USP50: variants seen among roughly 807,000 people sequenced by gnomAD.
USP50 encodes ubiquitin specific peptidase 50.
In USP50, 37 loss-of-function variants were observed where a neutral mutation model predicts 39.2. The ratio of observed to expected loss-of-function variants is 0.94; its 90% CI spans 0.73 to 1.24. USP50 has a LOEUF of 1.24. Among genes scored for constraint, USP50 ranks in the 50% most tolerant of loss-of-function variants. USP50 has a pLI of 0.00. For missense variants in USP50, 374 were observed against 398.2 expected (o/e 0.94, Z 0.52); for synonymous variants, 139 against 144.5 (o/e 0.96, Z 0.27).
rs2052654000 is a variant in USP50 at position 50,506,061 on chromosome 15, T to C, written c.937-5224A>G. 5 of 152,346 alleles carry C rather than the reference T, an allele frequency of 3.3e-5. No individual in the cohort carries two copies. The South Asian group carries it at 8.3e-4, about 25-fold the overall frequency. The allele number at this position is 152,346 out of a possible 1,614,324, so 9.4% of individuals were successfully genotyped here. ...GCAGAGTATAAAGATCTTGATTAAC[T>C]TTAGGCTTTAAGTATGAAAGCTGTC... On this transcript the variant is annotated intron_variant, in intron 6 of 6. Transcript: ENST00000532404.
intron 6 of USP50, chr15:50,508,436 T>C (rs529737090): frequency 1.4e-4 from 21 of 152,212 alleles, no homozygotes; most frequent in Non-Finnish European, 1.0e-4. Flanking sequence ...CTGTCCAATT[T>C]TGTATATGTT....
At chr15:50,525,566 ATATATG>A (rs1335699836) in intron 6 of USP50, among the ~76,000 whole-genome samples, 72 of 126,308 alleles carry the variant, frequency 5.7e-4, no homozygotes, top group African/African-American at 2.1e-3. Context: ...GTATATATGT[ATATATG>A]TATATGTATA....
In USP50 at chr15:50,521,784, GA is replaced by G. The variant is rs547393815; in HGVS notation, c.936+8012del. 9.2e-5 allele frequency among the ~76,000 whole-genome samples: 14 copies of G among 152,120 alleles called. No individual in the cohort carries two copies. In the South Asian group the frequency reaches 2.9e-3, roughly 32 times the overall value. Reference sequence around the variant, plus strand: ...TCAAGACCAGCCTGGCCAACACAGTGAAACCCCCATCTCTACTAAAAATAAA... The same window carrying G: ...TCAAGACCAGCCTGGCCAACACAGTGAACCCCCATCTCTACTAAAAATAAA... On this transcript the variant is annotated intron_variant, in intron 6 of 6. Coordinates refer to ENST00000532404, the MANE Select transcript of USP50 (RefSeq NM_203494.5).
intron 4 of USP50, 34 bp from the exon 5 acceptor site, chr15:50,538,885 T>C (rs1385106304): frequency 3.2e-6 from 5 of 1,581,080 alleles, no homozygotes. Context: ...GTGACCAAAT[T>C]GGATCAACTG....
chr15:50,544,659 G>A lies in USP50; in HGVS notation c.176C>T (p.Ser59Leu), dbSNP rs1461984844. 1 of 1,613,932 alleles carries A rather than the reference G, an allele frequency of 6.2e-7. No individual in the cohort carries two copies. Among genetic ancestry groups the A allele is most frequent in the East Asian group, 2.2e-5 (1 of 44,878 alleles). ...CGGCAAGATGCTGCAGAGACACTGT[G>A]AGATGGCATTCACGCAGCATGTGTT... is the stretch of plus-strand genomic sequence containing the variant. ...LGNTCCVNAI[S>L]QCLCSILPLV... The change falls in exon 2 of 7, where the codon TCA becomes TTA. Residue 59 changes from serine (S) to leucine (L), a missense_variant. By Grantham distance (145) the Ser-to-Leu change is moderately radical. Coordinates refer to ENST00000532404, the MANE Select transcript of USP50 (RefSeq NM_203494.5).
downstream of USP50, chr15:50,493,429 A>G (rs2052255013): frequency 1.9e-6 from 1 of 518,970 alleles, no homozygotes; most frequent in Admixed American, 1.9e-5. Context: ...GAAAAGTCAA[A>G]TTAGGAAAGG....
At chr15:50,525,985 G>A (rs1035766957) in intron 6 of USP50, among the ~76,000 whole-genome samples, 6 of 151,978 alleles carry the variant, frequency 3.9e-5, no homozygotes, top group Non-Finnish European at 8.8e-5. Context: ...CACCGAATTC[G>A]GGTAATGGTT....
chr15:50,541,743 T>C (rs2053031562), intron 3 of USP50, among the ~76,000 whole-genome samples: 3 of 152,154 alleles, frequency 2.0e-5, no homozygotes, highest in Admixed American at 2.0e-4. Context: ...CCCCATAAGC[T>C]ACCAGCCTTG....
chr15:50,514,779 C>A (rs899256949), intron 6 of USP50, among the ~76,000 whole-genome samples: 1 of 152,026 alleles, frequency 6.6e-6, no homozygotes, highest in African/African-American at 2.4e-5. Flanking sequence ...CTGCTTGCCT[C>A]AGCCTCCCAA....
At chr15:50,517,714 G>GT (rs916970745) in intron 6 of USP50, among the ~76,000 whole-genome samples, 13 of 151,996 alleles carry the variant, frequency 8.6e-5, no homozygotes, top group East Asian at 7.7e-4. Flanking sequence ...AGCAAAAGCA[G>GT]TTTTTTTTGT....
chr15:50,517,467 C>A (rs1596010099), intron 6 of USP50, among the ~76,000 whole-genome samples: 1 of 124,588 alleles, frequency 8.0e-6, no homozygotes. Flanking sequence ...AGCAAAACTC[C>A]ATCTCAAAAA....
chr15:50,495,708 ACACT>A, downstream of USP50: 1 of 619,072 alleles, frequency 1.6e-6, no homozygotes, highest in Non-Finnish European at 2.7e-6. Flanking sequence ...ATTTTTTGCC[ACACT>A]CAGTGAGATC....
intron 6 of USP50, among the ~76,000 whole-genome samples, chr15:50,519,151 G>C (rs1380406407): frequency 1.3e-5 from 2 of 152,086 alleles, no homozygotes; most frequent in African/African-American, 4.8e-5. Context: ...GCCAAGCATG[G>C]TGGCACACCC....
chr15:50,527,393 G>T (rs2052906847), intron 6 of USP50, among the ~76,000 whole-genome samples: 1 of 151,784 alleles, frequency 6.6e-6, no homozygotes, highest in African/African-American at 2.4e-5. Context: ...ATTTTTAGTA[G>T]AGATGGGGTT....
intron 6 of USP50, among the ~76,000 whole-genome samples, chr15:50,526,811 G>A (rs1187294414): frequency 6.6e-6 from 1 of 152,152 alleles, no homozygotes; most frequent in African/African-American, 2.4e-5. Flanking sequence ...TATGATTTGG[G>A]GCAAATTATT....
intron 6 of USP50, chr15:50,513,753 C>T (rs552550309): frequency 1.3e-5 from 2 of 152,272 alleles, no homozygotes; most frequent in South Asian, 2.1e-4. Context: ...CAAAACAAAA[C>T]GAACAAAAGA....
At chr15:50,531,214 G>C (rs1399411317) in intron 5 of USP50, among the ~76,000 whole-genome samples, 2 of 152,076 alleles carry the variant, frequency 1.3e-5, no homozygotes, top group Non-Finnish European at 2.9e-5. Flanking sequence ...CTGTACCTAG[G>C]TATCATCCCA....
chr15:50,544,165 AC>A (rs2053052576), intron 2 of USP50, among the ~76,000 whole-genome samples: 1 of 151,790 alleles, frequency 6.6e-6, no homozygotes, highest in African/African-American at 2.4e-5. Context: ...ACATGGTGAA[AC>A]CCCGTCTCTA....
downstream of USP50, chr15:50,498,929 C>A: frequency 6.2e-7 from 1 of 1,612,818 alleles, no homozygotes; most frequent in Non-Finnish European, 8.5e-7. Context: ...TGGATGGAGG[C>A]CACTACACAG....
Sources: gnomAD v4.1 joint callset for allele counts (sites outside exome capture counted in the v4.1 genomes callset) on GRCh38, gnomAD v4.1.1 for gene constraint, MANE v1.5 for transcripts, NCBI Gene and HGNC (gene_info 2026-07-23, HGNC 2026-07-21) for gene names.